Variants in SEMA3C observed in about 807,000 individuals in gnomAD.
SEMA3C encodes semaphorin 3C, also known as semaphorin-3C.
A neutral mutation model predicts 89.4 loss-of-function variants in SEMA3C; 47 were observed. The observed-to-expected ratio is 0.53, with a 90% CI of 0.42 to 0.67. The LOEUF (loss-of-function observed/expected upper bound fraction) is 0.67, where lower values mean the gene tolerates loss of function less well. Ranked by LOEUF, SEMA3C falls within the 30% of genes least tolerant of loss-of-function variation. SEMA3C has a pLI of 0.00. For missense variants in SEMA3C, 839 were observed against 929.1 expected, an observed-to-expected ratio of 0.90 and a Z score of 1.26; for synonymous variants, 310 against 320.2, an observed-to-expected ratio of 0.97 and a Z score of 0.34.
At chr7:80,817,823 T>C (rs921093747) in intron 5 of SEMA3C, among the ~76,000 whole-genome samples, 1 of 152,132 alleles carries the variant, frequency 6.6e-6, no homozygotes, top group East Asian at 1.9e-4. Flanking sequence ...CAGATATATA[T>C]TTATAAAATT....
chr7:80,919,568 T>TG (rs1235291308), upstream of SEMA3C, among the ~76,000 whole-genome samples: 1 of 136,988 alleles, frequency 7.3e-6, no homozygotes, highest in African/African-American at 3.4e-5. Flanking sequence ...CGTTTTTTTT[T>TG]TGTTTTTTGT....
At chr7:80,812,326 C>G (rs1203474920) in intron 5 of SEMA3C, among the ~76,000 whole-genome samples, 1 of 152,180 alleles carries the variant, frequency 6.6e-6, no homozygotes, top group East Asian at 1.9e-4. Context: ...AAAAATATGA[C>G]TTGTCCAGAA....
intron 2 of SEMA3C, among the ~76,000 whole-genome samples, chr7:80,852,561 A>G (rs1790538444): frequency 6.6e-6 from 1 of 152,124 alleles, no homozygotes; most frequent in Non-Finnish European, 1.5e-5. Flanking sequence ...GGGAGAAAAT[A>G]TTTGCAGACT....
chr7:80,828,758 A>G lies in SEMA3C; in HGVS notation c.104-13T>C. ...GTTTCTCGAAGTTCTGAAAGAGTGA[A>G]CAGCACAAGTGTAGATACAGTATCC... On this transcript the variant is annotated splice_polypyrimidine_tract_variant and intron_variant, in intron 2 of 17. Transcript: ENST00000265361. The G allele has an allele frequency of 6.3e-7, 1 of 1,598,708 alleles. No individual in the cohort carries two copies. The highest frequency in any genetic ancestry group is 1.3e-5 in the African/African-American group (1 of 74,710).
chr7:80,828,378 G>C (rs1235207769), intron 3 of SEMA3C, among the ~76,000 whole-genome samples: 1 of 151,922 alleles, frequency 6.6e-6, no homozygotes, highest in Admixed American at 6.6e-5. Flanking sequence ...TCCAGGTTTT[G>C]AATTGTTAAA....
At chr7:80,900,323 T>C (rs11979208) in intron 2 of SEMA3C, among the ~76,000 whole-genome samples, 21,300 of 151,958 alleles carry the variant, frequency 0.14, 2,687 homozygotes, top group African/African-American at 0.33. Context: ...ACATGTTAGC[T>C]AGGATGGTCT....
In SEMA3C at chr7:80,892,490, G is replaced by A. The variant is rs571446323; in HGVS notation, c.103+24189C>T. On this transcript the variant is annotated intron_variant, in intron 2 of 17. Transcript: ENST00000265361. The stretch of plus-strand genomic sequence containing the variant: ...TTGTCTGTAAAATGAAACAAAAGTA[G>A]GTCCTAAACATTGTAAGAATATGGT... Among the ~76,000 whole-genome samples, 11 of 151,734 alleles carry A rather than the reference G, an allele frequency of 7.2e-5. No individual in the cohort carries two copies. The East Asian group carries it at 2.1e-3, about 29-fold the overall frequency.
Position 80,765,259 on chromosome 7 carries a change from A to G in SEMA3C, c.1355-16T>C, listed in dbSNP as rs1360587391. The G allele has an allele frequency of 1.3e-6, 2 of 1,567,734 alleles. No individual in the cohort carries two copies. Among genetic ancestry groups the G allele is most frequent in the Non-Finnish European group, 8.8e-7 (1 of 1,139,908 alleles). The stretch of plus-strand genomic sequence containing the variant: ...GTACCCCGATCTAAATTAAAAAAAG[A>G]AGAAATGAGATGTTACAATACTTTT... On this transcript the variant is annotated splice_polypyrimidine_tract_variant and intron_variant, in intron 12 of 17. Transcript: ENST00000265361.
intron 2 of SEMA3C, among the ~76,000 whole-genome samples, chr7:80,867,978 G>A (rs1438341957): frequency 6.6e-6 from 1 of 152,164 alleles, no homozygotes; most frequent in African/African-American, 2.4e-5. Flanking sequence ...AGTATCTTGT[G>A]CTGCTAGATT....
chr7:80,765,304 C>CTA (rs1380113652), intron 12 of SEMA3C, 61 bp from the exon 13 acceptor site: 2 of 1,204,950 alleles, frequency 1.7e-6, no homozygotes, highest in Non-Finnish European at 2.4e-6. Flanking sequence ...GCTATTTAGA[C>CTA]ATAGGACTAC....
chr7:80,837,288 G>A (rs558993525), intron 2 of SEMA3C, among the ~76,000 whole-genome samples: 3 of 152,248 alleles, frequency 2.0e-5, no homozygotes, highest in African/African-American at 7.2e-5. Context: ...GACATTTTCA[G>A]GAATCGAGAA....
intron 5 of SEMA3C, among the ~76,000 whole-genome samples, chr7:80,813,089 G>A (rs574611447): frequency 3.1e-4 from 47 of 151,014 alleles, no homozygotes; most frequent in African/African-American, 1.0e-3. Context: ...TTACAGACAT[G>A]AGCCACTGTG....
intron 2 of SEMA3C, among the ~76,000 whole-genome samples, chr7:80,910,303 A>G (rs1217579114): frequency 6.6e-6 from 1 of 152,238 alleles, no homozygotes; most frequent in Non-Finnish European, 1.5e-5. Flanking sequence ...TTGAGAGCTT[A>G]AAGACAGCTC....
At chr7:80,751,713 A>G (rs769677722) in intron 15 of SEMA3C, among the ~76,000 whole-genome samples, 1 of 152,198 alleles carries the variant, frequency 6.6e-6, no homozygotes, top group Non-Finnish European at 1.5e-5. Flanking sequence ...TAAACTCCGT[A>G]GCATTTTCCT....
chr7:80,880,489 A>G (rs1316999015), intron 2 of SEMA3C, among the ~76,000 whole-genome samples: 1 of 152,214 alleles, frequency 6.6e-6, no homozygotes, highest in Non-Finnish European at 1.5e-5. Flanking sequence ...ACTATGTTTA[A>G]AAATCATAGT....
intron 12 of SEMA3C, among the ~76,000 whole-genome samples, chr7:80,774,191 T>A (rs1788495585): frequency 6.6e-6 from 1 of 152,118 alleles, no homozygotes; most frequent in Admixed American, 6.6e-5. Context: ...AAGTGCAAAG[T>A]GATCAGCTAA....
At chr7:80,750,421 T>G (rs972685615) in intron 16 of SEMA3C, among the ~76,000 whole-genome samples, 1 of 123,896 alleles carries the variant, frequency 8.1e-6, no homozygotes, top group African/African-American at 3.1e-5. Context: ...ATGGCTTACC[T>G]ACATACATAC....
At chr7:80,806,383 G>A (rs906416013) in intron 6 of SEMA3C, among the ~76,000 whole-genome samples, 1 of 152,046 alleles carries the variant, frequency 6.6e-6, no homozygotes, top group African/African-American at 2.4e-5. Context: ...CATTATAACT[G>A]TCAAAACATT....
At chr7:80,847,848 G>A (rs1322914888) in intron 2 of SEMA3C, among the ~76,000 whole-genome samples, 1 of 152,154 alleles carries the variant, frequency 6.6e-6, no homozygotes. Flanking sequence ...TTACTCTGAG[G>A]CAGATCATCT....
Sources: gnomAD v4.1 joint callset for allele counts (sites outside exome capture counted in the v4.1 genomes callset) on GRCh38, gnomAD v4.1.1 for gene constraint, MANE v1.5 for transcripts, NCBI Gene and HGNC (gene_info 2026-07-23, HGNC 2026-07-21) for gene names.